Variants in SLIT3 observed in about 807,000 individuals in gnomAD.
SLIT3 encodes the protein slit homolog 3 protein.
A neutral mutation model predicts 184.0 loss-of-function variants in SLIT3; 68 were observed. The ratio of observed to expected loss-of-function variants is 0.37; its 90% CI spans 0.30 to 0.45. The LOEUF is 0.45. Among genes scored for constraint, SLIT3 ranks in the 20% least tolerant of loss-of-function variants. The pLI, the probability that SLIT3 is intolerant of heterozygous loss-of-function variation, is 1.00. For synonymous variants in SLIT3, 831 were observed against 828.6 expected, an observed-to-expected ratio of 1.00 and a Z score of -0.05; for missense variants, 1,707 against 2,026.0, an observed-to-expected ratio of 0.84 and a Z score of 3.02.
chr5:169,114,035 C>G (rs1193403708), intron 4 of SLIT3, among the ~76,000 whole-genome samples: 1 of 152,160 alleles, frequency 6.6e-6, no homozygotes, highest in Non-Finnish European at 1.5e-5. Context: ...TAAGCGTCAG[C>G]TACTGTTACG....
intron 4 of SLIT3, among the ~76,000 whole-genome samples, chr5:169,113,691 C>T (rs1448603549): frequency 1.5e-5 from 2 of 134,260 alleles, no homozygotes; most frequent in Non-Finnish European, 3.1e-5. Context: ...GAGTCTTGCT[C>T]TGTCTCCAGG....
intron 4 of SLIT3, among the ~76,000 whole-genome samples, chr5:168,938,539 A>G (rs1762233057): frequency 6.6e-6 from 1 of 152,172 alleles, no homozygotes; most frequent in Admixed American, 6.5e-5. Flanking sequence ...GGGTATTGTG[A>G]TTTTTAAGAG....
At chr5:168,930,670 A>C (rs1480580773) in intron 4 of SLIT3, among the ~76,000 whole-genome samples, 1 of 152,136 alleles carries the variant, frequency 6.6e-6, no homozygotes, top group Non-Finnish European at 1.5e-5. Flanking sequence ...ATGATTAGGA[A>C]GGAAGTCTGT....
At chr5:169,265,172 C>A (rs1489561021) in intron 1 of SLIT3, among the ~76,000 whole-genome samples, 1 of 152,074 alleles carries the variant, frequency 6.6e-6, no homozygotes, top group Admixed American at 6.6e-5. Flanking sequence ...AACAAACAAA[C>A]AAACAAACAA....
intron 4 of SLIT3, among the ~76,000 whole-genome samples, chr5:169,107,474 T>A (rs966114766): frequency 2.0e-5 from 3 of 152,222 alleles, no homozygotes; most frequent in Non-Finnish European, 4.4e-5. Context: ...TGAAAAAAAT[T>A]ATTATTCTAA....
At chr5:168,712,226 G>T in intron 24 of SLIT3, 57 bp downstream of exon 24, 1 of 1,472,608 alleles carries the variant, frequency 6.8e-7, no homozygotes, top group South Asian at 1.1e-5. Flanking sequence ...CATTGTCGCT[G>T]ACACTTTCAT....
At chr5:168,748,788 C>T (rs550897988) in intron 19 of SLIT3, among the ~76,000 whole-genome samples, 3 of 152,276 alleles carry the variant, frequency 2.0e-5, no homozygotes, top group African/African-American at 7.2e-5. Context: ...TCTGCTCCCA[C>T]AACTACACAG....
At chr5:169,214,846 A>G (rs987251395) in intron 3 of SLIT3, among the ~76,000 whole-genome samples, 7 of 152,226 alleles carry the variant, frequency 4.6e-5, no homozygotes, top group African/African-American at 1.4e-4. Context: ...CTTGACACTC[A>G]TGATGTGCAA....
intron 4 of SLIT3, among the ~76,000 whole-genome samples, chr5:169,035,530 T>C (rs1757208277): frequency 6.6e-6 from 1 of 151,230 alleles, no homozygotes; most frequent in Non-Finnish European, 1.5e-5. Context: ...GCACCTGTAG[T>C]CCCAGCTGCT....
intron 9 of SLIT3, among the ~76,000 whole-genome samples, chr5:168,798,220 C>CTTTTTTTTTTT (rs575178855): frequency 0.06 from 6,610 of 110,806 alleles, 476 homozygotes; most frequent in South Asian, 0.087. Context: ...TCTTCTTCTT[C>CTTTTTTTTTTT]TTCTTTTTTT....
intron 4 of SLIT3, among the ~76,000 whole-genome samples, chr5:168,987,141 T>G (rs1465653863): frequency 6.6e-6 from 1 of 152,230 alleles, no homozygotes; most frequent in African/African-American, 2.4e-5. Flanking sequence ...ATCTGATTCC[T>G]ATCCATCCTT....
chr5:168,699,250 C>T (rs1026811457), intron 27 of SLIT3, among the ~76,000 whole-genome samples: 14 of 152,288 alleles, frequency 9.2e-5, no homozygotes, highest in Non-Finnish European at 1.3e-4. Flanking sequence ...GGCGGGTTCC[C>T]GGGGGAAGAG....
At chr5:168,686,795 G>A (rs547927571) in intron 30 of SLIT3, among the ~76,000 whole-genome samples, 184 bp downstream of exon 30, 1 of 152,360 alleles carries the variant, frequency 6.6e-6, no homozygotes, top group East Asian at 1.9e-4. Context: ...ACCAATACCT[G>A]CTCTATTTCC....
At chr5:169,214,601 T>G (rs569891531) in intron 3 of SLIT3, among the ~76,000 whole-genome samples, 46 of 152,270 alleles carry the variant, frequency 3.0e-4, no homozygotes, top group African/African-American at 9.1e-4. Context: ...GGTGGAGTTC[T>G]TTAACACCAG....
chr5:169,126,126 T>C (rs1761070594), intron 4 of SLIT3, among the ~76,000 whole-genome samples: 1 of 152,214 alleles, frequency 6.6e-6, no homozygotes, highest in Non-Finnish European at 1.5e-5. Flanking sequence ...GCCTTCTAGC[T>C]CTCCAATGGC....
chr5:169,294,619 G>A (rs2113664684), intron 1 of SLIT3, among the ~76,000 whole-genome samples: 1 of 152,350 alleles, frequency 6.6e-6, no homozygotes, highest in Middle Eastern at 3.4e-3. Flanking sequence ...AAAGGTAATA[G>A]CCATGGCCAC....
At chr5:168,807,427 C>A (rs950939279) in intron 8 of SLIT3, among the ~76,000 whole-genome samples, 53 of 152,320 alleles carry the variant, frequency 3.5e-4, no homozygotes, top group African/African-American at 1.2e-3. Flanking sequence ...ACATTGTAAA[C>A]ATTTGCATGC....
chr5:169,029,135 G>C (rs1159358306), intron 4 of SLIT3, among the ~76,000 whole-genome samples: 1 of 152,212 alleles, frequency 6.6e-6, no homozygotes, highest in Non-Finnish European at 1.5e-5. Context: ...CAATAGCAAA[G>C]CAAGTTGATC....
chr5:168,782,632 T>C (rs1756014758), intron 12 of SLIT3, among the ~76,000 whole-genome samples: 1 of 152,190 alleles, frequency 6.6e-6, no homozygotes. Flanking sequence ...ATAATTGAGC[T>C]GCTCCCACCC....
Sources: gnomAD v4.1 joint callset for allele counts (sites outside exome capture counted in the v4.1 genomes callset) on GRCh38, gnomAD v4.1.1 for gene constraint, MANE v1.5 for transcripts, NCBI Gene and HGNC (gene_info 2026-07-23, HGNC 2026-07-21) for gene names.